The following ATP9B variants were observed in gnomAD, a reference collection of about 807,000 sequenced individuals.
ATP9B encodes probable phospholipid-transporting ATPase IIB.
ATP9B carries 110 observed loss-of-function variants against 146.1 expected under a neutral mutation model. The ratio of observed to expected loss-of-function variants is 0.75; its 90% CI spans 0.65 to 0.88. ATP9B has a LOEUF of 0.88. ATP9B is among the 40% of genes least tolerant of loss of function. ATP9B has a pLI of 0.00. For synonymous variants in ATP9B, 604 were observed against 569.7 expected (o/e 1.06, Z -0.86); for missense variants, 1,499 against 1,496.4 (o/e 1.00, Z -0.03).
At position 79,348,196 on chromosome 18, in the gene ATP9B, G is replaced by A. The variant is rs976794476; in HGVS notation, c.2903G>A (p.Gly968Glu). The A allele has an allele frequency of 6.2e-7, 1 of 1,612,390 alleles. No individual in the cohort carries two copies. Among genetic ancestry groups the A allele is most frequent in the Non-Finnish European group, 8.5e-7 (1 of 1,179,286 alleles). The change falls in exon 25 of 30, where the codon GGG (glycine) becomes GAG (glutamate). Residue 968 changes from glycine to glutamate, a missense_variant and splice_region_variant. Coordinates refer to ENST00000426216, the MANE Select transcript of ATP9B (RefSeq NM_198531.5). ...TTGTATCAGGGCTTCCTCATGGTGGGGTAAGTTACACTCAGAACCTGCCAG... is the reference window on the plus strand; with the variant it reads ...TTGTATCAGGGCTTCCTCATGGTGGAGTAAGTTACACTCAGAACCTGCCAG... ...VPLYQGFLMV[G>E]YATIYTMFPV...
chr18:79,269,727 C>T (rs1353848523), intron 12 of ATP9B, among the ~76,000 whole-genome samples: 1 of 152,174 alleles, frequency 6.6e-6, no homozygotes, highest in African/African-American at 2.4e-5. Context: ...AAGACATACA[C>T]ACTTGCTTCT....
chr18:79,341,279 T>C (rs112745614), intron 19 of ATP9B, among the ~76,000 whole-genome samples: 85 of 104,238 alleles, frequency 8.2e-4, no homozygotes, highest in African/African-American at 1.1e-3. Context: ...CTCGTCGAAG[T>C]CTGTGTTGCC....
At chr18:79,304,159 A>T (rs1052264877) in intron 14 of ATP9B, among the ~76,000 whole-genome samples, 18 of 152,044 alleles carry the variant, frequency 1.2e-4, no homozygotes, top group African/African-American at 4.3e-4. Flanking sequence ...TCTGTCATTC[A>T]CCTACCTGTC....
chr18:79,252,434 TC>T (rs1300967131), intron 11 of ATP9B, among the ~76,000 whole-genome samples: 3 of 14,404 alleles, frequency 2.1e-4, no homozygotes, highest in Admixed American at 7.7e-4. Context: ...TCCCTCTCAT[TC>T]CCCCAGCCCT....
At chr18:79,174,523 C>G (rs1025658871) in intron 7 of ATP9B, among the ~76,000 whole-genome samples, 6 of 152,186 alleles carry the variant, frequency 3.9e-5, no homozygotes, top group African/African-American at 1.4e-4. Context: ...GGGCCCTTCT[C>G]TTGCGCTTGG....
chr18:79,375,307 ATTTCTT>A lies in ATP9B; in HGVS notation c.3275-86_3275-81del, dbSNP rs956633264. 185 of 1,241,182 alleles carry A rather than the reference ATTTCTT, an allele frequency of 1.5e-4. No individual in the cohort carries two copies. The African/African-American group carries it at 2.2e-3, about 15-fold the overall frequency. The allele number at this position is 1,241,182 out of a possible 1,614,324, so 76.9% of individuals were successfully genotyped here. Reference sequence around the variant, plus strand: ...CTGCCATTTTATTGCTTTTTAATGTATTTCTTATTCTTTTGCTAACCCCTTGAAATA... The same window carrying A: ...CTGCCATTTTATTGCTTTTTAATGTAATTCTTTTGCTAACCCCTTGAAATA... On this transcript the variant is annotated intron_variant, in intron 28 of 29. Coordinates refer to ENST00000426216, the MANE Select transcript of ATP9B (RefSeq NM_198531.5).
At chr18:79,234,020 C>G (rs1390853542) in intron 11 of ATP9B, among the ~76,000 whole-genome samples, 1 of 152,140 alleles carries the variant, frequency 6.6e-6, no homozygotes, top group Non-Finnish European at 1.5e-5. Context: ...GAGGATTGGT[C>G]TTGCTCCCTC....
At chr18:79,319,667 C>T (rs534990391) in intron 15 of ATP9B, among the ~76,000 whole-genome samples, 3 of 152,300 alleles carry the variant, frequency 2.0e-5, no homozygotes, top group Non-Finnish European at 4.4e-5. Context: ...TTTAAGGAAA[C>T]CGGCCTGAAG....
chr18:79,246,683 C>T (rs2095967969), intron 11 of ATP9B, among the ~76,000 whole-genome samples: 1 of 152,230 alleles, frequency 6.6e-6, no homozygotes, highest in Admixed American at 6.5e-5. Flanking sequence ...GATCAGGACG[C>T]GCGCCGGCCT....
At chr18:79,202,155 G>T (rs1458430698) in intron 9 of ATP9B, among the ~76,000 whole-genome samples, 1 of 152,228 alleles carries the variant, frequency 6.6e-6, no homozygotes, top group Non-Finnish European at 1.5e-5. Context: ...ATCTAATGGA[G>T]ATGTGGCGCT....
intron 11 of ATP9B, among the ~76,000 whole-genome samples, chr18:79,244,596 C>T (rs1286812395): frequency 2.0e-5 from 3 of 152,132 alleles, no homozygotes; most frequent in Non-Finnish European, 2.9e-5. Context: ...TTTAGTACTA[C>T]ACAAGATTTT....
chr18:79,269,437 GTTTC>G (rs1245549180), intron 12 of ATP9B, among the ~76,000 whole-genome samples: 1 of 152,068 alleles, frequency 6.6e-6, no homozygotes, highest in Non-Finnish European at 1.5e-5. Flanking sequence ...ATTCTGGTTG[GTTTC>G]TTTATCACAT....
chr18:79,207,137 G>A, intron 10 of ATP9B, 125 bp downstream of exon 10: 1 of 866,272 alleles, frequency 1.2e-6, no homozygotes, highest in East Asian at 2.6e-5. Flanking sequence ...GCTAAACGCA[G>A]ACTCCAGCTC....
intron 13 of ATP9B, among the ~76,000 whole-genome samples, chr18:79,290,846 A>G (rs2096496317): frequency 6.6e-6 from 1 of 152,216 alleles, no homozygotes; most frequent in Admixed American, 6.5e-5. Flanking sequence ...TTGTTTAACT[A>G]GAATCTTCAC....
rs2096608660 is a variant in ATP9B at position 79,304,204 on chromosome 18, T to C, written c.1524+488T>C. 2.6e-5 allele frequency among the ~76,000 whole-genome samples: 4 copies of C among 152,186 alleles called. No individual in the cohort carries two copies. In the South Asian group the frequency reaches 8.3e-4, roughly 32 times the overall value. ...CAGGTGGTGATGTTTCATCTGTAGG[T>C]GTTCTTCATTATTATTATATTATGA... On this transcript the variant is annotated intron_variant, in intron 14 of 29. Coordinates refer to ENST00000426216, the MANE Select transcript of ATP9B (RefSeq NM_198531.5).
In ATP9B at chr18:79,345,737, A is replaced by G. The variant is rs370942776; in HGVS notation, c.2618-38A>G. 9.6e-4 allele frequency: 1,552 copies of G among 1,613,224 alleles called. No individual in the cohort carries two copies. The highest frequency in any genetic ancestry group is 1.2e-3 in the Non-Finnish European group (1,412 of 1,179,292). On this transcript the variant is annotated intron_variant, in intron 22 of 29. Transcript: ENST00000426216. Reference sequence around the variant, plus strand: ...GTAAAAATGAAAAACGTGATGATGGATAAGGTTTTATTTCATCTCACTTTT... The same window carrying G: ...GTAAAAATGAAAAACGTGATGATGGGTAAGGTTTTATTTCATCTCACTTTT...
chr18:79,187,302 A>G (rs969666328), intron 8 of ATP9B, among the ~76,000 whole-genome samples: 1 of 152,172 alleles, frequency 6.6e-6, no homozygotes, highest in African/African-American at 2.4e-5. Flanking sequence ...GGGTGGTCAA[A>G]GGGTGATAGG....
At chr18:79,128,152 C>T (rs1298446534) in intron 5 of ATP9B, among the ~76,000 whole-genome samples, 8 of 150,804 alleles carry the variant, frequency 5.3e-5, no homozygotes, top group Admixed American at 2.0e-4. Flanking sequence ...CTCCTCCTCC[C>T]GGGTTCGGGC....
chr18:79,320,816 G>A (rs118173911), intron 15 of ATP9B, among the ~76,000 whole-genome samples: 6 of 98,626 alleles, frequency 6.1e-5, no homozygotes, highest in African/African-American at 2.8e-5. Flanking sequence ...TGGGTTTTAC[G>A]TTGGGAGGGA....
Sources: gnomAD v4.1 joint callset for allele counts (sites outside exome capture counted in the v4.1 genomes callset) on GRCh38, gnomAD v4.1.1 for gene constraint, MANE v1.5 for transcripts, NCBI Gene and HGNC (gene_info 2026-07-23, HGNC 2026-07-21) for gene names.